LRRC3B: variants seen among roughly 807,000 people sequenced by gnomAD.
The protein encoded by LRRC3B is leucine rich repeat containing 3B.
A neutral mutation model predicts 12.8 loss-of-function variants in LRRC3B; 2 were observed. The observed-to-expected ratio is 0.16, with a 90% CI of 0.06 to 0.49. The LOEUF is 0.49. LRRC3B is among the 20% of genes least tolerant of loss of function. The pLI is 0.96. For missense variants in LRRC3B, 189 were observed against 319.4 expected (o/e 0.59, Z 3.11); for synonymous variants, 132 against 122.0 (o/e 1.08, Z -0.54).
chr3:26,674,992 C>T (rs1030739791), intron 1 of LRRC3B, among the ~76,000 whole-genome samples: 1 of 152,128 alleles, frequency 6.6e-6, no homozygotes. Context: ...CGTGACATGA[C>T]TTGAAATAAT....
At chr3:26,659,105 G>A (rs940356261) in intron 1 of LRRC3B, among the ~76,000 whole-genome samples, 4 of 152,106 alleles carry the variant, frequency 2.6e-5, no homozygotes, top group East Asian at 3.8e-4. Flanking sequence ...TGTGTATATC[G>A]ATTAATAACA....
At chr3:26,700,295 G>A (rs1437733490) in intron 1 of LRRC3B, among the ~76,000 whole-genome samples, 1 of 152,142 alleles carries the variant, frequency 6.6e-6, no homozygotes, top group Non-Finnish European at 1.5e-5. Context: ...TCAACAGAGG[G>A]CTGGTGAGGC....
intron 1 of LRRC3B, among the ~76,000 whole-genome samples, chr3:26,673,059 G>A (rs1236564377): frequency 6.6e-6 from 1 of 152,158 alleles, no homozygotes; most frequent in Admixed American, 6.5e-5. Context: ...GCCTCTGTAT[G>A]TCAGTGTTGC....
chr3:26,689,520 C>G (rs188297322), intron 1 of LRRC3B, among the ~76,000 whole-genome samples: 10 of 152,300 alleles, frequency 6.6e-5, no homozygotes, highest in Middle Eastern at 6.8e-3. Context: ...GAATTAAATA[C>G]TGTTGTTTCC....
At chr3:26,698,019 T>A (rs1444429396) in intron 1 of LRRC3B, among the ~76,000 whole-genome samples, 1 of 152,114 alleles carries the variant, frequency 6.6e-6, no homozygotes, top group Non-Finnish European at 1.5e-5. Context: ...ATGAAATCAT[T>A]GACTCTTTAG....
At chr3:26,668,837 G>T (rs1699661663) in intron 1 of LRRC3B, among the ~76,000 whole-genome samples, 1 of 152,126 alleles carries the variant, frequency 6.6e-6, no homozygotes, top group Non-Finnish European at 1.5e-5. Flanking sequence ...TGCAAATTTT[G>T]CTGAATATCA....
intron 1 of LRRC3B, among the ~76,000 whole-genome samples, chr3:26,636,462 T>A (rs1001117593): frequency 2.6e-5 from 4 of 152,358 alleles, no homozygotes; most frequent in Admixed American, 2.6e-4. Context: ...GCTATTCATC[T>A]TTATTCATAT....
intron 1 of LRRC3B, among the ~76,000 whole-genome samples, chr3:26,678,452 C>A (rs989989948): frequency 6.6e-6 from 1 of 151,906 alleles, no homozygotes; most frequent in Admixed American, 6.6e-5. Flanking sequence ...CAAGATCATA[C>A]CACTGCATTT....
At chr3:26,669,707 T>G (rs1311050776) in intron 1 of LRRC3B, among the ~76,000 whole-genome samples, 1 of 152,256 alleles carries the variant, frequency 6.6e-6, no homozygotes, top group Non-Finnish European at 1.5e-5. Flanking sequence ...ATACTTCATT[T>G]ATTTTCTTTC....
chr3:26,668,295 A>G (rs1422309666), intron 1 of LRRC3B, among the ~76,000 whole-genome samples: 1 of 152,124 alleles, frequency 6.6e-6, no homozygotes, highest in Non-Finnish European at 1.5e-5. Flanking sequence ...ACAGAGCCAG[A>G]GCTGGTTACT....
At chr3:26,710,465 CT>C (rs777330014) in exon 2 of LRRC3B, 39 of 1,546,716 alleles carry the variant, frequency 2.5e-5, no homozygotes, top group Non-Finnish European at 3.2e-5. Flanking sequence ...TCCAAACTGA[CT>C]GTCATTGAGA....
At chr3:26,653,009 A>G (rs1319714696) in intron 1 of LRRC3B, among the ~76,000 whole-genome samples, 1 of 152,064 alleles carries the variant, frequency 6.6e-6, no homozygotes, top group Non-Finnish European at 1.5e-5. Context: ...TTGCTGGGTC[A>G]ACAAGCAGGG....
At chr3:26,632,939 G>A (rs985505317) in intron 1 of LRRC3B, among the ~76,000 whole-genome samples, 10 of 152,024 alleles carry the variant, frequency 6.6e-5, no homozygotes, top group African/African-American at 1.9e-4. Context: ...TATTGTGTTG[G>A]CATCATGAAA....
intron 1 of LRRC3B, among the ~76,000 whole-genome samples, chr3:26,640,844 G>T (rs887757436): frequency 4.6e-5 from 7 of 152,184 alleles, no homozygotes; most frequent in African/African-American, 1.4e-4. Flanking sequence ...TGGGAATCCT[G>T]AGTTGATCCA....
chr3:26,629,976 A>AGG, intron 1 of LRRC3B, among the ~76,000 whole-genome samples: 1 of 148,654 alleles, frequency 6.7e-6, no homozygotes. Context: ...CATGGCAAAA[A>AGG]AAAAAAAAAA....
intron 1 of LRRC3B, among the ~76,000 whole-genome samples, chr3:26,664,740 G>A (rs1001817012): frequency 5.9e-5 from 9 of 151,956 alleles, no homozygotes; most frequent in African/African-American, 1.7e-4. Flanking sequence ...TTTAGGTCTC[G>A]CCTCCGATTT....
intron 1 of LRRC3B, among the ~76,000 whole-genome samples, chr3:26,661,690 A>G (rs556604548): frequency 3.3e-4 from 50 of 152,320 alleles, no homozygotes; most frequent in Non-Finnish European, 6.3e-4. Flanking sequence ...TGCTGCCATG[A>G]ACATCTTTGT....
chr3:26,649,144 A>G (rs1487496449), intron 1 of LRRC3B, among the ~76,000 whole-genome samples: 1 of 152,222 alleles, frequency 6.6e-6, no homozygotes, highest in Non-Finnish European at 1.5e-5. Context: ...GAAATAGAGT[A>G]TAGATCTGAT....
At chr3:26,677,233 C>G (rs11916104) in intron 1 of LRRC3B, among the ~76,000 whole-genome samples, 53,646 of 152,058 alleles carry the variant, frequency 0.35, 13,430 homozygotes, top group African/African-American at 0.7. Context: ...ACTTATCATA[C>G]AAGGAAGCCA....
Sources: gnomAD v4.1 joint callset for allele counts (sites outside exome capture counted in the v4.1 genomes callset) on GRCh38, gnomAD v4.1.1 for gene constraint, MANE v1.5 for transcripts, NCBI Gene and HGNC (gene_info 2026-07-23, HGNC 2026-07-21) for gene names.